Variants in SLC13A3 observed in about 807,000 individuals in gnomAD.
SLC13A3 encodes the protein solute carrier family 13 member 3.
Under a neutral mutation model 59.0 loss-of-function variants are expected in SLC13A3, and 40 were observed. The observed-to-expected ratio is 0.68, with a 90% CI of 0.53 to 0.88. SLC13A3 has a LOEUF of 0.88. Ranked by LOEUF, SLC13A3 falls within the 40% of genes least tolerant of loss-of-function variation. SLC13A3 has a pLI of 0.00. For missense variants in SLC13A3, 699 were observed against 783.2 expected (o/e 0.89, Z 1.28); for synonymous variants, 317 against 330.3 (o/e 0.96, Z 0.44).
chr20:46,633,981 G>A (rs75923373), intron 1 of SLC13A3, among the ~76,000 whole-genome samples: 422 of 152,318 alleles, frequency 2.8e-3, no homozygotes, highest in African/African-American at 9.8e-3. Context: ...ATGGAGCCAC[G>A]ATCCTACCAT....
chr20:46,657,352 G>A (rs1394270283), intron 1 of SLC13A3, among the ~76,000 whole-genome samples: 1 of 150,570 alleles, frequency 6.6e-6, no homozygotes, highest in Non-Finnish European at 1.5e-5. Context: ...CAGCCTGGAT[G>A]ACAGAGTGCG....
upstream of SLC13A3, among the ~76,000 whole-genome samples, chr20:46,674,577 T>G (rs2063111216): frequency 7.2e-6 from 1 of 138,842 alleles, no homozygotes; most frequent in African/African-American, 2.8e-5. Context: ...AGACAGTGGG[T>G]AGGTGGGGAG....
At chr20:46,676,562 T>C (rs1045124558) in intron 1 of SLC13A3, among the ~76,000 whole-genome samples, 4 of 151,790 alleles carry the variant, frequency 2.6e-5, no homozygotes, top group Non-Finnish European at 5.9e-5. Flanking sequence ...GCCCCTTTTT[T>C]TCTTTTCTTT....
intron 1 of SLC13A3, among the ~76,000 whole-genome samples, chr20:46,630,824 C>T (rs541782123): frequency 7.9e-5 from 12 of 152,252 alleles, no homozygotes; most frequent in South Asian, 2.1e-4. Flanking sequence ...ATTAAAGACC[C>T]GATTCTTCCA....
Position 46,560,150 on chromosome 20 carries a change from A to C in SLC13A3, c.1681T>G (p.Leu561Val). 7 of 1,614,172 alleles carry C rather than the reference A, an allele frequency of 4.3e-6. No homozygotes were observed. Among genetic ancestry groups the C allele is most frequent in the Non-Finnish European group, 5.9e-6 (7 of 1,180,022 alleles). Residue 561 changes from leucine (L) to valine (V), a missense_variant, in exon 13 of 13, where the codon TTG becomes GTG. Coordinates refer to ENST00000279027, the MANE Select transcript of SLC13A3 (RefSeq NM_022829.6). The stretch of plus-strand genomic sequence containing the variant: ...GTCTGTGCCCAGGTATTCATAGCCA[A>C]ACTGAGCAGCAGGACACCCATCAGG... ...MNLMGVLLLS[L>V]AMNTWAQTIF...
intron 1 of SLC13A3, among the ~76,000 whole-genome samples, chr20:46,660,375 A>AT (rs988096541): frequency 6.6e-6 from 1 of 151,858 alleles, no homozygotes; most frequent in Non-Finnish European, 1.5e-5. Context: ...TAGATTGACA[A>AT]TTTTTTTTCC....
At chr20:46,648,963 A>G (rs2062926006) in intron 1 of SLC13A3, among the ~76,000 whole-genome samples, 2 of 151,776 alleles carry the variant, frequency 1.3e-5, no homozygotes, top group Non-Finnish European at 2.9e-5. Flanking sequence ...ACACACACAC[A>G]CACATAAAGG....
At chr20:46,572,902 G>C (rs1279333878) in intron 10 of SLC13A3, among the ~76,000 whole-genome samples, 1 of 152,086 alleles carries the variant, frequency 6.6e-6, no homozygotes, top group East Asian at 1.9e-4. Flanking sequence ...TTCAAGATCT[G>C]GATAACATGC....
intron 1 of SLC13A3, among the ~76,000 whole-genome samples, chr20:46,618,802 C>T (rs1466413750): frequency 6.6e-6 from 1 of 152,222 alleles, no homozygotes; most frequent in East Asian, 1.9e-4. Flanking sequence ...CCGTCTCTCG[C>T]TTCAGTGCCC....
chr20:46,610,715 T>A, intron 2 of SLC13A3, 106 bp from the exon 3 acceptor site: 8 of 953,266 alleles, frequency 8.4e-6, no homozygotes. Context: ...ATTTTACAGA[T>A]GGAAACTTGA....
chr20:46,557,878 G>T lies in SLC13A3; in HGVS notation c.*2144C>A, dbSNP rs1282740321. On this transcript the variant is annotated 3_prime_UTR_variant, in exon 13 of 13. Transcript: ENST00000279027. ...ATAAATGGAAGAAGGAGTGAACAAA[G>T]TAATGAACAAAACAGACCCCAGATC... is the stretch of plus-strand genomic sequence containing the variant. The T allele has an allele frequency of 6.6e-6, 1 of 152,196 alleles. No homozygotes were observed. Among genetic ancestry groups the T allele is most frequent in the East Asian group, 1.9e-4 (1 of 5,202 alleles). 9.4% of individuals were successfully genotyped at this position (152,196 alleles called of 1,614,324 possible).
intron 10 of SLC13A3, among the ~76,000 whole-genome samples, chr20:46,568,385 G>C (rs1005929019): frequency 1.8e-5 from 2 of 112,100 alleles, no homozygotes; most frequent in African/African-American, 7.0e-5. Context: ...GTGACAGAGA[G>C]AGCGAGACTC....
chr20:46,561,661 T>G (rs1321885364), intron 12 of SLC13A3, among the ~76,000 whole-genome samples: 16 of 85,184 alleles, frequency 1.9e-4, no homozygotes, highest in Admixed American at 8.8e-4. Context: ...TTTTTTTTTG[T>G]TTTTTTTTTT....
intron 1 of SLC13A3, among the ~76,000 whole-genome samples, chr20:46,677,449 A>G (rs2063132864): frequency 6.6e-6 from 1 of 152,112 alleles, no homozygotes; most frequent in South Asian, 2.1e-4. Context: ...AGCTGGCAGG[A>G]TCTTTTGCTG....
chr20:46,650,321 G>T (rs1301400004), intron 1 of SLC13A3, among the ~76,000 whole-genome samples: 1 of 152,148 alleles, frequency 6.6e-6, no homozygotes, highest in South Asian at 2.1e-4. Context: ...CACTTGCTGT[G>T]TGACTCTGAG....
Position 46,558,276 on chromosome 20 carries a change from C to T in SLC13A3, c.*1746G>A, listed in dbSNP as rs755451049. The T allele has an allele frequency of 2.0e-5, 3 of 152,060 alleles. No individual in the cohort carries two copies. Among genetic ancestry groups the T allele is most frequent in the Non-Finnish European group, 4.4e-5 (3 of 68,046 alleles). 9.4% of individuals were successfully genotyped at this position (152,060 alleles called of 1,614,324 possible). A position where few individuals can be genotyped will look rare whatever the true frequency, so the allele number is the denominator to read the frequency against. On this transcript the variant is annotated 3_prime_UTR_variant, in exon 13 of 13. Transcript: ENST00000279027. ...TTCTAGGCAGAGGGAACAGCACATG[C>T]GAAGGCCCTGAGGCAGAGTATGTAG...
intron 4 of SLC13A3, 122 bp downstream of exon 4, chr20:46,599,849 G>T: frequency 1.7e-6 from 1 of 595,684 alleles, no homozygotes. Context: ...GGAAACTCAG[G>T]CATTAGGTCA....
At chr20:46,603,984 C>T (rs1287283670) in intron 3 of SLC13A3, among the ~76,000 whole-genome samples, 1 of 145,794 alleles carries the variant, frequency 6.9e-6, no homozygotes. Context: ...GAGCAAGACG[C>T]CATCTCAAAA....
chr20:46,588,601 C>T (rs182174017), intron 7 of SLC13A3, among the ~76,000 whole-genome samples: 689 of 152,016 alleles, frequency 4.5e-3, no homozygotes, highest in Middle Eastern at 6.8e-3. Context: ...CTGTCTACAC[C>T]GAAAGGAGAA....
Sources: allele counts gnomAD v4.1 joint callset (sites outside exome capture counted in the v4.1 genomes callset), GRCh38; gene constraint gnomAD v4.1.1; transcripts MANE v1.5; gene names NCBI Gene and HGNC (gene_info 2026-07-23, HGNC 2026-07-21).